DNAAF6: variants seen among roughly 807,000 people sequenced by gnomAD.
DNAAF6 encodes dynein axonemal assembly factor 6, also known as PIH1 domain containing 3.
DNAAF6 carries 3 observed loss-of-function variants against 13.7 expected under a neutral mutation model. That is an observed-to-expected ratio of 0.22 (90% CI 0.10 to 0.56). The LOEUF is 0.56. DNAAF6 is among the 20% of genes least tolerant of loss of function. DNAAF6 has a pLI of 0.92. For missense variants in DNAAF6, 130 were observed against 151.0 expected (o/e 0.86, Z 0.73); for synonymous variants, 54 against 49.2 (o/e 1.10, Z -0.41).
Position 107,213,021 on chromosome X carries a change from A to G in DNAAF6, c.146A>G (p.Tyr49Cys), listed in dbSNP as rs1177840478. Residue 49 changes from tyrosine (Y) to cysteine (C), a missense_variant, in exon 2 of 7, where the codon TAT becomes TGT. By Grantham distance (194) the Tyr-to-Cys change is radical. Coordinates refer to ENST00000372453, the MANE Select transcript of DNAAF6 (RefSeq NM_173494.2). ...CCTGAAGAAGAGGATGATTCTGACT[A>G]TGGACAGGTGGTCATATACTTAACA... ...LNPEEEDDSD[Y>C]GQTNGLSTIG... is the part of the protein sequence containing the mutation. 6 of 1,192,837 alleles carry G rather than the reference A, an allele frequency of 5.0e-6. No individual in the cohort carries two copies. Among genetic ancestry groups the G allele is most frequent in the Middle Eastern group, 4.7e-4 (2 of 4,261 alleles).
At position 107,225,434 on chromosome X, in the gene DNAAF6, G is replaced by T. The variant is rs747042208; in HGVS notation, c.429+2593G>T. Among the ~76,000 whole-genome samples the T allele has an allele frequency of 6.3e-5, 7 of 111,108 alleles. No homozygotes were observed. The East Asian group carries it at 1.4e-3, about 22-fold the overall frequency. ...TGTTTCAGAGGAAAATAGTTATAAT[G>T]CCATATTATACCACCATTGATTGTG... On this transcript the variant is annotated intron_variant, in intron 5 of 6. Coordinates refer to ENST00000372453, the MANE Select transcript of DNAAF6 (RefSeq NM_173494.2).
Position 107,228,644 on chromosome X carries a change from C to T in DNAAF6, c.429+5803C>T, listed in dbSNP as rs1028860882. Among the ~76,000 whole-genome samples the T allele has an allele frequency of 4.5e-5, 5 of 110,382 alleles. No homozygotes were observed. The East Asian group carries it at 1.4e-3, about 31-fold the overall frequency. On this transcript the variant is annotated intron_variant, in intron 5 of 6. Transcript: ENST00000372453. Reference sequence around the variant, plus strand: ...ATTTTTTGTTTTTTTGAGATAAGGTCTTGCTCTGTCACCCAGGCTGGAACG... The same window carrying T: ...ATTTTTTGTTTTTTTGAGATAAGGTTTTGCTCTGTCACCCAGGCTGGAACG...
At chrX:107,229,707 CTTT>C (rs1157247643) in intron 5 of DNAAF6, among the ~76,000 whole-genome samples, 1 of 110,027 alleles carries the variant, frequency 9.1e-6, no homozygotes, top group Admixed American at 9.7e-5. Context: ...TCATATAACT[CTTT>C]TAACTCTCGC....
intron 5 of DNAAF6, among the ~76,000 whole-genome samples, chrX:107,238,256 C>T (rs1928561693): frequency 9.0e-6 from 1 of 110,896 alleles, no homozygotes; most frequent in Non-Finnish European, 1.9e-5. Context: ...TAAGCAAAAA[C>T]ATTATGTACA....
intron 4 of DNAAF6, among the ~76,000 whole-genome samples, chrX:107,220,976 T>C (rs1454361667): frequency 4.8e-5 from 5 of 105,002 alleles, no homozygotes; most frequent in African/African-American, 7.1e-5. Context: ...TTTCTTTCTT[T>C]CTTCCTTTTT....
chrX:107,222,984 G>A, intron 5 of DNAAF6, 143 bp downstream of exon 5: 2 of 751,306 alleles, frequency 2.7e-6, no homozygotes, highest in African/African-American at 2.2e-5. Flanking sequence ...GGTAACAATG[G>A]GATAGACAGT....
In DNAAF6 at chrX:107,224,229, TA is replaced by T. The variant is rs759819466; in HGVS notation, c.429+1391del. On this transcript the variant is annotated intron_variant, in intron 5 of 6. Transcript: ENST00000372453. ...ATGAACCAATTTTATTATTAAGAATTAAACTCAGTGTAAACAATTATAAGTC... is the reference window on the plus strand; with the variant it reads ...ATGAACCAATTTTATTATTAAGAATTAACTCAGTGTAAACAATTATAAGTC... Among the ~76,000 whole-genome samples, 4 of 111,760 alleles carry T rather than the reference TA, an allele frequency of 3.6e-5. No individual in the cohort carries two copies. The East Asian group carries it at 8.4e-4, about 23-fold the overall frequency.
At position 107,243,494 on chromosome X, in the gene DNAAF6, G is replaced by A. The variant is rs1169068115; in HGVS notation, c.*196G>A. 4.2e-6 allele frequency: 2 copies of A among 479,813 alleles called. No homozygotes were observed. Among genetic ancestry groups the A allele is most frequent in the Admixed American group, 5.2e-5 (1 of 19,059 alleles). The allele number at this position is 479,813 out of a possible 1,213,427, so 39.5% of individuals were successfully genotyped here. On this transcript the variant is annotated 3_prime_UTR_variant, in exon 7 of 7. Coordinates refer to ENST00000372453, the MANE Select transcript of DNAAF6 (RefSeq NM_173494.2). ...TTAGGAAATATGTTTCCTTGGCCAG[G>A]TGCAATGGCTCATGCCTGTAATCCC...
intron 2 of DNAAF6, among the ~76,000 whole-genome samples, chrX:107,216,274 C>G (rs1010410556): frequency 1.8e-5 from 2 of 111,730 alleles, no homozygotes; most frequent in Non-Finnish European, 3.8e-5. Context: ...TTCACATACT[C>G]TGTCCTCCAT....
At chrX:107,213,145 C>A in intron 2 of DNAAF6, 117 bp downstream of exon 2, 1 of 708,112 alleles carries the variant, frequency 1.4e-6, no homozygotes. Context: ...GATACATTCA[C>A]AGGAAGCTAC....
At chrX:107,207,249 T>A (rs750440448) in intron 1 of DNAAF6, 1 of 111,524 alleles carries the variant, frequency 9.0e-6, no homozygotes, top group South Asian at 3.9e-4. Flanking sequence ...ACTACGTGAA[T>A]AATGTCCTTT....
At chrX:107,222,220 C>T (rs942680591) in intron 4 of DNAAF6, among the ~76,000 whole-genome samples, 1 of 111,270 alleles carries the variant, frequency 9.0e-6, no homozygotes, top group Non-Finnish European at 1.9e-5. Context: ...CTCACCCCTC[C>T]CTCCCATAAA....
chrX:107,212,735 T>C, intron 1 of DNAAF6, 138 bp from the exon 2 acceptor site: 1 of 773,355 alleles, frequency 1.3e-6, no homozygotes, highest in Non-Finnish European at 1.7e-6. Flanking sequence ...TTTGAAGGAG[T>C]TTAAAAGGAT....
At chrX:107,216,154 C>G (rs886361989) in intron 2 of DNAAF6, among the ~76,000 whole-genome samples, 4 of 111,829 alleles carry the variant, frequency 3.6e-5, no homozygotes, top group Non-Finnish European at 7.5e-5. Context: ...GGAAGTGTTT[C>G]ATACCTATAG....
intron 5 of DNAAF6, among the ~76,000 whole-genome samples, chrX:107,234,073 G>T (rs747573141): frequency 9.0e-6 from 1 of 111,357 alleles, no homozygotes; most frequent in East Asian, 2.8e-4. Flanking sequence ...AGATGTGGAT[G>T]CCTGTAGATG....
rs1928223208 is a variant in DNAAF6 at position 107,224,961 on chromosome X, A to G, written c.429+2120A>G. On this transcript the variant is annotated intron_variant, in intron 5 of 6. Coordinates refer to ENST00000372453, the MANE Select transcript of DNAAF6 (RefSeq NM_173494.2). ...AAATAAAGACATATATCAGGTACAT[A>G]GTGACATAAAGCAGGAAGAGATCAA... Among the ~76,000 whole-genome samples, 4 of 108,514 alleles carry G rather than the reference A, an allele frequency of 3.7e-5. No homozygotes were observed. The South Asian group carries it at 1.6e-3, about 44-fold the overall frequency. 94.2% of individuals were successfully genotyped at this position (108,514 alleles called of 115,157 possible).
At chrX:107,212,211 G>C (rs896522842) in intron 1 of DNAAF6, among the ~76,000 whole-genome samples, 1 of 110,875 alleles carries the variant, frequency 9.0e-6, no homozygotes. Flanking sequence ...ATGTACCAAA[G>C]GAACCATAAC....
At chrX:107,237,490 T>A (rs1928540014) in intron 5 of DNAAF6, among the ~76,000 whole-genome samples, 1 of 112,475 alleles carries the variant, frequency 8.9e-6, no homozygotes, top group African/African-American at 3.2e-5. Context: ...CTTTGTGTTG[T>A]GGTAAAAATA....
At chrX:107,216,644 A>C in intron 2 of DNAAF6, 27 bp from the exon 3 acceptor site, 4 of 1,091,155 alleles carry the variant, frequency 3.7e-6, no homozygotes, top group Middle Eastern at 2.6e-4. Flanking sequence ...TTAATTACAG[A>C]ATATTGAACT....
Sources: allele counts gnomAD v4.1 joint callset (sites outside exome capture counted in the v4.1 genomes callset), GRCh38; gene constraint gnomAD v4.1.1; transcripts MANE v1.5; gene names NCBI Gene and HGNC (gene_info 2026-07-23, HGNC 2026-07-21).